The following PCDHGB3 variants were observed in gnomAD, a reference collection of about 807,000 sequenced individuals.
PCDHGB3 encodes the protein protocadherin gamma subfamily B, 3.
A neutral mutation model predicts 59.2 loss-of-function variants in PCDHGB3; 40 were observed. That is an observed-to-expected ratio of 0.68 (90% confidence interval 0.52 to 0.88). PCDHGB3 has a LOEUF of 0.88. Ranked by LOEUF, PCDHGB3 falls within the 40% of genes least tolerant of loss-of-function variation. The probability of loss-of-function intolerance (pLI) is 0.00; values close to 1 mark genes in which losing one functional copy is unlikely to be tolerated. For missense variants in PCDHGB3, 1,309 were observed against 1,187.9 expected (o/e 1.10, Z -1.50); for synonymous variants, 581 against 503.6 (o/e 1.15, Z -2.06).
At chr5:141,498,971 G>GGGAGGGAAGGAAGGAAGGAA (rs2099787588) in intron 2 of PCDHGB3, among the ~76,000 whole-genome samples, 11 of 111,048 alleles carry the variant, frequency 9.9e-5, no homozygotes, top group African/African-American at 3.2e-4. Context: ...GAGGGAGGGA[G>GGGAGGGAAGGAAGGAAGGAA]GGAAGGAAGG....
chr5:141,430,924 G>A (rs1217400258), intron 1 of PCDHGB3: 1 of 1,607,462 alleles, frequency 6.2e-7, no homozygotes, highest in Admixed American at 1.7e-5. Context: ...TGGGGCTGGA[G>A]CCCCGGGAGC....
chr5:141,409,951 G>C (rs1480000390), intron 1 of PCDHGB3: 1 of 1,613,256 alleles, frequency 6.2e-7, no homozygotes, highest in Non-Finnish European at 8.5e-7. Flanking sequence ...GCTCTGCAGA[G>C]CCCGGCTACC....
chr5:141,462,883 A>T (rs557432183), intron 1 of PCDHGB3, among the ~76,000 whole-genome samples: 9 of 152,230 alleles, frequency 5.9e-5, no homozygotes, highest in African/African-American at 2.2e-4. Context: ...GAACTATTGC[A>T]GTTTGTTTTG....
intron 1 of PCDHGB3, chr5:141,392,777 A>T (rs1226924811): frequency 6.5e-7 from 1 of 1,529,322 alleles, no homozygotes; most frequent in Admixed American, 2.2e-5. Context: ...ATTTATGCAC[A>T]GTGAAGATTC....
intron 1 of PCDHGB3, chr5:141,374,429 C>A: frequency 6.2e-7 from 1 of 1,613,972 alleles, no homozygotes. Context: ...TAAACTGAAT[C>A]TTTATCCCGT....
intron 1 of PCDHGB3, chr5:141,404,969 G>T (rs2094589920): frequency 6.2e-7 from 1 of 1,613,964 alleles, no homozygotes; most frequent in East Asian, 2.2e-5. Context: ...AGACATCCTG[G>T]CTGACCTGGG....
rs140916255 is a variant in PCDHGB3, at chr5:141,475,995, C to A, written c.2416-18812C>A. 2,057 of 1,172,604 alleles carry A rather than the reference C, an allele frequency of 1.8e-3. 30 individuals carry two copies. The African/African-American group carries it at 0.027, about 16-fold the overall frequency. 72.6% of individuals were successfully genotyped at this position (1,172,604 alleles called of 1,614,324 possible). ...ACTGAACAGCCGGCGAGCAAATCAA[C>A]GGCATCCAGAAAGCCATGTCGGACT... On this transcript the variant is annotated intron_variant, in intron 1 of 3. Coordinates refer to ENST00000576222, the MANE Select transcript of PCDHGB3 (RefSeq NM_018924.5).
chr5:141,450,948 C>T (rs1250110393), intron 1 of PCDHGB3, among the ~76,000 whole-genome samples: 2 of 151,870 alleles, frequency 1.3e-5, no homozygotes, highest in East Asian at 3.9e-4. Flanking sequence ...CCTCAGCCTC[C>T]CAAGTAGCTG....
intron 1 of PCDHGB3, chr5:141,398,938 G>A: frequency 6.2e-7 from 1 of 1,613,958 alleles, no homozygotes; most frequent in African/African-American, 1.3e-5. Context: ...TGACCAAGAC[G>A]AGGGCATCAA....
intron 1 of PCDHGB3, chr5:141,400,296 C>T (rs2093998279): frequency 6.2e-7 from 1 of 1,614,076 alleles, no homozygotes. Context: ...GGAGCTGCTT[C>T]CAACCTGGTC....
chr5:141,500,234 A>T (rs2099798212), intron 2 of PCDHGB3, among the ~76,000 whole-genome samples: 1 of 148,996 alleles, frequency 6.7e-6, no homozygotes, highest in Non-Finnish European at 1.5e-5. Context: ...ATTGATACGT[A>T]GCCTTGCTCT....
At chr5:141,430,652 A>G in intron 1 of PCDHGB3, 1 of 1,069,464 alleles carries the variant, frequency 9.4e-7, no homozygotes. Context: ...ATGTGGAAAC[A>G]ACGGAGGAGC....
chr5:141,511,265 A>C lies in PCDHGB3; in HGVS notation c.*92A>C. The C allele has an allele frequency of 6.4e-7, 1 of 1,551,730 alleles. No individual in the cohort carries two copies. Among genetic ancestry groups the C allele is most frequent in the Non-Finnish European group, 8.7e-7 (1 of 1,148,178 alleles). ...ACCCAGGCCTCAGAGTTTCAGGGCT[A>C]ACCCCCAGAATACTGGTAGGGGCCA... On this transcript the variant is annotated 3_prime_UTR_variant, in exon 4 of 4. Coordinates refer to ENST00000576222, the MANE Select transcript of PCDHGB3 (RefSeq NM_018924.5).
Position 141,415,740 on chromosome 5 carries a change from G to T in PCDHGB3, c.2415+42931G>T, listed in dbSNP as rs866795513. 9.4e-4 allele frequency: 585 copies of T among 624,884 alleles called. 4 individuals carry two copies. The highest frequency in any genetic ancestry group is 8.0e-3 in the African/African-American group (318 of 39,862). 38.7% of individuals were successfully genotyped at this position (624,884 alleles called of 1,614,324 possible). A position where few individuals can be genotyped will look rare whatever the true frequency, so the allele number is the denominator to read the frequency against. The stretch of plus-strand genomic sequence containing the variant: ...TGAGTAGAATTTGATGTTTATTAAG[G>T]TTTTTTTTTTTTTTTTTTTTTTTTT... On this transcript the variant is annotated intron_variant, in intron 1 of 3. Coordinates refer to ENST00000576222, the MANE Select transcript of PCDHGB3 (RefSeq NM_018924.5).
chr5:141,422,576 C>G (rs778942661), intron 1 of PCDHGB3: 1 of 1,614,034 alleles, frequency 6.2e-7, no homozygotes, highest in South Asian at 1.1e-5. Context: ...AACGATAACC[C>G]TCCCGTTTTT....
intron 1 of PCDHGB3, among the ~76,000 whole-genome samples, chr5:141,473,773 T>C (rs1473510505): frequency 6.6e-6 from 1 of 152,254 alleles, no homozygotes; most frequent in Non-Finnish European, 1.5e-5. Context: ...GGATTTGGTA[T>C]TTTAATTCAA....
At chr5:141,384,943 G>T in intron 1 of PCDHGB3, 1 of 1,613,996 alleles carries the variant, frequency 6.2e-7, no homozygotes, top group Non-Finnish European at 8.5e-7. Flanking sequence ...TGAGCCCTCC[G>T]ACGGTCCTTA....
intron 1 of PCDHGB3, among the ~76,000 whole-genome samples, chr5:141,373,541 T>A (rs1769670522): frequency 6.6e-6 from 1 of 152,216 alleles, no homozygotes. Context: ...TGTTTGTGGT[T>A]GTTGGTACCC....
At position 141,389,550 on chromosome 5, in the gene PCDHGB3, A is replaced by T. The variant is rs767434946; in HGVS notation, c.2415+16741A>T. The T allele has an allele frequency of 3.7e-6, 6 of 1,613,098 alleles. No individual in the cohort carries two copies. The African/African-American group carries it at 4.0e-5, about 11-fold the overall frequency. On this transcript the variant is annotated intron_variant, in intron 1 of 3. Transcript: ENST00000576222. ...CGTGTTAGTGGACGACCGCAACGAC[A>T]ATGCGCCACGGGTGCTGTACCCCGC...
Sources: gnomAD v4.1 joint callset for allele counts (sites outside exome capture counted in the v4.1 genomes callset) on GRCh38, gnomAD v4.1.1 for gene constraint, MANE v1.5 for transcripts, NCBI Gene and HGNC (gene_info 2026-07-23, HGNC 2026-07-21) for gene names.